PPP3R1: variants seen among roughly 807,000 people sequenced by gnomAD.
PPP3R1 encodes the protein calcineurin subunit B type 1.
A neutral mutation model predicts 22.6 loss-of-function variants in PPP3R1; 5 were observed. The ratio of observed to expected loss-of-function variants is 0.22; its 90% CI spans 0.12 to 0.46. PPP3R1 has a LOEUF of 0.46. PPP3R1 is among the 20% of genes least tolerant of loss of function. The pLI is 0.99. For synonymous variants in PPP3R1, 56 were observed against 65.2 expected (o/e 0.86, Z 0.68); for missense variants, 61 against 203.2 (o/e 0.30, Z 4.25).
intron 1 of PPP3R1, among the ~76,000 whole-genome samples, chr2:68,249,424 T>C (rs1670295839): frequency 6.6e-6 from 1 of 151,200 alleles, no homozygotes; most frequent in African/African-American, 2.4e-5. Flanking sequence ...ATCATGGAGA[T>C]AAAAAAAAAT....
chr2:68,185,705 A>G (rs796518683), intron 5 of PPP3R1, among the ~76,000 whole-genome samples: 45 of 152,164 alleles, frequency 3.0e-4, no homozygotes, highest in Admixed American at 9.8e-4. Context: ...GCAATGGTGA[A>G]GGAGGTAAAA....
intron 1 of PPP3R1, among the ~76,000 whole-genome samples, chr2:68,247,628 G>A (rs1350323071): frequency 6.6e-6 from 1 of 152,200 alleles, no homozygotes; most frequent in African/African-American, 2.4e-5. Context: ...GAAGTTTCTC[G>A]AGGACAGGAA....
chr2:68,243,049 G>A (rs1558644887), intron 1 of PPP3R1, among the ~76,000 whole-genome samples: 1 of 152,114 alleles, frequency 6.6e-6, no homozygotes, highest in Non-Finnish European at 1.5e-5. Context: ...TCATCTACAG[G>A]AATGTTTTTT....
intron 1 of PPP3R1, among the ~76,000 whole-genome samples, chr2:68,226,519 T>C (rs1469172483): frequency 6.6e-6 from 1 of 152,180 alleles, no homozygotes; most frequent in East Asian, 1.9e-4. Context: ...ATAAGACACA[T>C]TTCAAGGTAA....
intron 1 of PPP3R1, among the ~76,000 whole-genome samples, chr2:68,231,812 G>C (rs1669906915): frequency 6.6e-6 from 1 of 151,972 alleles, no homozygotes; most frequent in South Asian, 2.1e-4. Flanking sequence ...ACTAATGATT[G>C]CTTTTGCACC....
chr2:68,226,760 A>G (rs1424531786), intron 1 of PPP3R1, among the ~76,000 whole-genome samples: 1 of 152,152 alleles, frequency 6.6e-6, no homozygotes, highest in Non-Finnish European at 1.5e-5. Flanking sequence ...GTGCATGGTA[A>G]AAGTCTGGAA....
chr2:68,232,489 T>C (rs937980276), intron 1 of PPP3R1, among the ~76,000 whole-genome samples: 7 of 151,312 alleles, frequency 4.6e-5, no homozygotes, highest in African/African-American at 1.7e-4. Flanking sequence ...AGTATCAACA[T>C]GTAAAGAACT....
chr2:68,203,972 C>T (rs535013644), intron 2 of PPP3R1, among the ~76,000 whole-genome samples: 1 of 152,232 alleles, frequency 6.6e-6, no homozygotes, highest in East Asian at 1.9e-4. Context: ...AATCTTTCAC[C>T]TACATTTAGT....
chr2:68,234,186 A>T (rs550692082), intron 1 of PPP3R1, among the ~76,000 whole-genome samples: 75 of 152,080 alleles, frequency 4.9e-4, no homozygotes, highest in African/African-American at 1.7e-3. Context: ...TAGTAAAAAT[A>T]AAAAAAATTA....
intron 1 of PPP3R1, among the ~76,000 whole-genome samples, chr2:68,238,525 G>A (rs946255117): frequency 1.3e-5 from 2 of 152,158 alleles, no homozygotes; most frequent in Non-Finnish European, 1.5e-5. Flanking sequence ...ATAAGGGTCA[G>A]AGCCCGACTG....
At chr2:68,252,048 C>T (rs1266089651) in intron 1 of PPP3R1, 77 bp downstream of exon 1, 3 of 1,308,558 alleles carry the variant, frequency 2.3e-6, no homozygotes, top group African/African-American at 1.5e-5. Flanking sequence ...CCGGGGGCGT[C>T]GGGGCTCGCC....
intron 1 of PPP3R1, among the ~76,000 whole-genome samples, chr2:68,241,508 A>C (rs1362738530): frequency 2.0e-5 from 3 of 152,168 alleles, no homozygotes; most frequent in Non-Finnish European, 4.4e-5. Flanking sequence ...CCAGAATCTA[A>C]ATTCAGATCT....
intron 2 of PPP3R1, among the ~76,000 whole-genome samples, chr2:68,202,071 T>C (rs1558632276): frequency 6.6e-6 from 1 of 152,252 alleles, no homozygotes; most frequent in Non-Finnish European, 1.5e-5. Flanking sequence ...TGTTATCTAA[T>C]ACAGCTCCTG....
chr2:68,247,455 T>C (rs988605486), intron 1 of PPP3R1, among the ~76,000 whole-genome samples: 6 of 152,162 alleles, frequency 3.9e-5, no homozygotes, highest in Non-Finnish European at 5.9e-5. Context: ...GCTATCAAGT[T>C]CTTTCTGTTT....
At chr2:68,185,217 CA>C (rs1305057114) in intron 5 of PPP3R1, among the ~76,000 whole-genome samples, 1,319 of 70,420 alleles carry the variant, frequency 0.019, 9 homozygotes, top group African/African-American at 0.055. Flanking sequence ...GACTCCGTTT[CA>C]AAAAAAAAAA....
intron 1 of PPP3R1, among the ~76,000 whole-genome samples, chr2:68,245,623 A>G (rs1670220726): frequency 6.6e-6 from 1 of 152,156 alleles, no homozygotes; most frequent in African/African-American, 2.4e-5. Flanking sequence ...TCAACTCTAT[A>G]TTTAAAATGC....
At chr2:68,183,782 C>CA (rs1428550764) in intron 5 of PPP3R1, among the ~76,000 whole-genome samples, 2 of 152,156 alleles carry the variant, frequency 1.3e-5, no homozygotes, top group East Asian at 3.9e-4. Flanking sequence ...ATTCCATACA[C>CA]AGAGGTTTCC....
rs533153382 is a variant in PPP3R1 at position 68,252,106 on chromosome 2, G to C, written c.3+19C>G. 7.0e-7 allele frequency: 1 copy of C among 1,431,090 alleles called. No individual in the cohort carries two copies. Among genetic ancestry groups the C allele is most frequent in the South Asian group, 1.3e-5 (1 of 74,244 alleles). The allele number at this position is 1,431,090 out of a possible 1,614,324, so 88.6% of individuals were successfully genotyped here. A position where few individuals can be genotyped will look rare whatever the true frequency, so the allele number is the denominator to read the frequency against. On this transcript the variant is annotated intron_variant, in intron 1 of 5. Coordinates refer to ENST00000234310, the MANE Select transcript of PPP3R1 (RefSeq NM_000945.4). The stretch of plus-strand genomic sequence containing the variant: ...GCAGTAGGGGGAGGGATGGTGCATC[G>C]AGGAAGCCAAGGTCTCACCATTTTG...
Position 68,208,654 on chromosome 2 carries a change from G to A in PPP3R1, c.43+8438C>T, listed in dbSNP as rs114719234. Among the ~76,000 whole-genome samples, 1,312 of 152,236 alleles carry A rather than the reference G, an allele frequency of 8.6e-3. 12 individuals are homozygous for A. Among genetic ancestry groups the A allele is most frequent in the African/African-American group, 0.03 (1,264 of 41,548 alleles). On this transcript the variant is annotated intron_variant, in intron 2 of 5. Transcript: ENST00000234310. ...AATTATATTAAAAATTCATAAAAAG[G>A]TTGGGTACAGTGGCTCATGCCTGTA...
Sources: gnomAD v4.1 joint callset for allele counts (sites outside exome capture counted in the v4.1 genomes callset) on GRCh38, gnomAD v4.1.1 for gene constraint, MANE v1.5 for transcripts, NCBI Gene and HGNC (gene_info 2026-07-23, HGNC 2026-07-21) for gene names.